Variants in KIAA0825 observed in about 807,000 individuals in gnomAD.
KIAA0825 encodes the protein uncharacterized protein KIAA0825.
KIAA0825 carries 119 observed loss-of-function variants against 147.6 expected under a neutral mutation model. That is an observed-to-expected ratio of 0.81 (90% CI 0.69 to 0.94). KIAA0825 has a LOEUF of 0.94. KIAA0825 is among the 40% of genes least tolerant of loss of function. The pLI, the probability that KIAA0825 is intolerant of heterozygous loss-of-function variation, is 0.00. For missense variants in KIAA0825, 1,381 were observed against 1,472.7 expected (o/e 0.94, Z 1.02); for synonymous variants, 470 against 518.1 (o/e 0.91, Z 1.26).
chr5:94,523,891 A>G (rs748428638), intron 4 of KIAA0825, 39 bp downstream of exon 4: 8 of 1,335,656 alleles, frequency 6.0e-6, no homozygotes, highest in African/African-American at 1.5e-5. Context: ...TTCCCTGTTT[A>G]CTCATCCCAC....
intron 20 of KIAA0825, among the ~76,000 whole-genome samples, chr5:94,211,561 G>A (rs1049135469): frequency 2.6e-5 from 4 of 152,108 alleles, no homozygotes; most frequent in Admixed American, 1.3e-4. Context: ...ATCCTGGACT[G>A]TATTTCCAGC....
intron 14 of KIAA0825, 31 bp downstream of exon 14, chr5:94,439,951 C>T (rs1424634900): frequency 4.6e-6 from 7 of 1,525,446 alleles, no homozygotes; most frequent in South Asian, 3.8e-5. Context: ...CTAGGTTTTT[C>T]GAGGACATTC....
At chr5:94,190,009 CTT>C (rs1562303319) in intron 20 of KIAA0825, among the ~76,000 whole-genome samples, 1 of 151,920 alleles carries the variant, frequency 6.6e-6, no homozygotes, top group African/African-American at 2.4e-5. Context: ...TCTTGCATAT[CTT>C]TTGTTATTTT....
chr5:94,420,966 A>G (rs1754108817), intron 14 of KIAA0825, among the ~76,000 whole-genome samples: 1 of 152,020 alleles, frequency 6.6e-6, no homozygotes. Context: ...CCTCACATCC[A>G]CTGTATCCTT....
chr5:94,610,004 A>G (rs1410209544), intron 1 of KIAA0825, among the ~76,000 whole-genome samples: 1 of 152,252 alleles, frequency 6.6e-6, no homozygotes, highest in African/African-American at 2.4e-5. Context: ...GAAGGAAAGA[A>G]TTATATATCT....
At chr5:94,200,347 T>C (rs1171878021) in intron 20 of KIAA0825, among the ~76,000 whole-genome samples, 1 of 152,168 alleles carries the variant, frequency 6.6e-6, no homozygotes, top group Non-Finnish European at 1.5e-5. Context: ...GCAGGGTTTC[T>C]AGCTTCCTCC....
intron 20 of KIAA0825, among the ~76,000 whole-genome samples, chr5:94,209,681 G>C (rs1295976599): frequency 1.3e-5 from 2 of 152,060 alleles, no homozygotes; most frequent in African/African-American, 4.8e-5. Context: ...CTTTTTTAAT[G>C]GTGGCTAGAA....
intron 4 of KIAA0825, among the ~76,000 whole-genome samples, chr5:94,522,962 C>A (rs991142666): frequency 9.2e-5 from 14 of 151,614 alleles, no homozygotes; most frequent in African/African-American, 3.4e-4. Flanking sequence ...TAACTATATC[C>A]ATATTTATTC....
At chr5:94,389,599 T>C (rs1035076255) in intron 18 of KIAA0825, among the ~76,000 whole-genome samples, 2 of 152,232 alleles carry the variant, frequency 1.3e-5, no homozygotes, top group African/African-American at 4.8e-5. Context: ...CCTGTACCCA[T>C]AAATGCTTCA....
intron 20 of KIAA0825, among the ~76,000 whole-genome samples, chr5:94,261,169 G>A (rs927731504): frequency 1.3e-5 from 2 of 151,468 alleles, no homozygotes; most frequent in South Asian, 2.1e-4. Context: ...TGGGCGTGGT[G>A]GTGCGTGCCT....
chr5:94,200,981 A>ATG (rs1554242039), intron 20 of KIAA0825, among the ~76,000 whole-genome samples: 36 of 136,390 alleles, frequency 2.6e-4, no homozygotes, highest in Non-Finnish European at 4.1e-4. Flanking sequence ...ATATATATAT[A>ATG]TATGTATATC....
chr5:94,594,046 G>A (rs548539467), intron 1 of KIAA0825: 17 of 522,752 alleles, frequency 3.3e-5, no homozygotes, highest in East Asian at 2.7e-4. Flanking sequence ...TGGAACTTGC[G>A]TGCAACATCT....
chr5:94,469,752 TA>T (rs1423227365), intron 10 of KIAA0825, among the ~76,000 whole-genome samples: 1 of 152,242 alleles, frequency 6.6e-6, no homozygotes, highest in Non-Finnish European at 1.5e-5. Flanking sequence ...TTTTTACTTT[TA>T]AGCAGAAGGA....
chr5:94,320,563 A>T (rs534014301), intron 20 of KIAA0825, among the ~76,000 whole-genome samples: 5 of 151,296 alleles, frequency 3.3e-5, no homozygotes, highest in Non-Finnish European at 7.4e-5. Flanking sequence ...CCTTGACATC[A>T]ACATTATGTT....
chr5:94,499,574 A>C (rs1000683381), intron 5 of KIAA0825, among the ~76,000 whole-genome samples: 1 of 31,654 alleles, frequency 3.2e-5, no homozygotes, highest in Non-Finnish European at 6.5e-5. Context: ...TTCATATTTT[A>C]TTTCCCAATC....
At chr5:94,598,163 T>A (rs181171808) in intron 1 of KIAA0825, among the ~76,000 whole-genome samples, 2 of 152,116 alleles carry the variant, frequency 1.3e-5, no homozygotes, top group South Asian at 2.1e-4. Context: ...TTTACTTTTG[T>A]GTAATAACAG....
intron 5 of KIAA0825, among the ~76,000 whole-genome samples, chr5:94,490,755 C>T (rs532340730): frequency 4.4e-4 from 67 of 152,024 alleles, no homozygotes; most frequent in African/African-American, 1.2e-3. Context: ...GCATATCACA[C>T]GTAAAGAATA....
intron 2 of KIAA0825, among the ~76,000 whole-genome samples, chr5:94,553,625 G>A (rs776343861): frequency 2.0e-5 from 3 of 151,446 alleles, no homozygotes; most frequent in Non-Finnish European, 4.4e-5. Context: ...AATTAGCCGG[G>A]CATGGTGGCA....
At chr5:94,406,821 G>A (rs1752129857) in intron 15 of KIAA0825, among the ~76,000 whole-genome samples, 1 of 152,142 alleles carries the variant, frequency 6.6e-6, no homozygotes, top group African/African-American at 2.4e-5. Flanking sequence ...ACTGGAAGAG[G>A]TAGAATGTCT....
Sources: allele counts gnomAD v4.1 joint callset (sites outside exome capture counted in the v4.1 genomes callset), GRCh38; gene constraint gnomAD v4.1.1; transcripts MANE v1.5; gene names NCBI Gene and HGNC (gene_info 2026-07-23, HGNC 2026-07-21).